Variants in DPP10 observed in about 807,000 individuals in gnomAD.
The protein encoded by DPP10 is inactive dipeptidyl peptidase 10.
Under a neutral mutation model 120.9 loss-of-function variants are expected in DPP10, and 33 were observed. That is an observed-to-expected ratio of 0.27 (90% CI 0.21 to 0.37). DPP10 has a LOEUF of 0.37. DPP10 is among the 10% of genes least tolerant of loss of function. The pLI is 1.00. For missense variants in DPP10, 816 were observed against 942.8 expected (o/e 0.87, Z 1.76); for synonymous variants, 337 against 326.1 (o/e 1.03, Z -0.36).
At chr2:115,594,112 GGGCTATTATT>G (rs1490786755) in intron 5 of DPP10, among the ~76,000 whole-genome samples, 1 of 152,026 alleles carries the variant, frequency 6.6e-6, no homozygotes, top group East Asian at 1.9e-4. Context: ...TCATTCCAAG[GGGCTATTATT>G]GGCTCTATAA....
intron 1 of DPP10, among the ~76,000 whole-genome samples, chr2:115,272,893 A>G (rs2059758069): frequency 6.6e-6 from 1 of 152,214 alleles, no homozygotes; most frequent in Non-Finnish European, 1.5e-5. Flanking sequence ...AAACCTATCT[A>G]TGGATGAAAA....
At chr2:115,227,967 G>A in intron 1 of DPP10, among the ~76,000 whole-genome samples, 1 of 148,790 alleles carries the variant, frequency 6.7e-6, no homozygotes, top group Non-Finnish European at 1.5e-5. Context: ...TGTCACCCAG[G>A]CTAGAGTGCA....
At chr2:115,523,422 A>AAAC (rs2077940216) in intron 4 of DPP10, among the ~76,000 whole-genome samples, 1 of 122,434 alleles carries the variant, frequency 8.2e-6, no homozygotes, top group Admixed American at 8.2e-5. Context: ...AAAAAAAAAA[A>AAAC]CCCTCCTGCT....
chr2:114,859,341 C>G (rs1284285549), intron 1 of DPP10, among the ~76,000 whole-genome samples: 2 of 146,570 alleles, frequency 1.4e-5, no homozygotes, highest in Non-Finnish European at 3.0e-5. Flanking sequence ...GCACTTCAGC[C>G]TGGGCAACAA....
intron 1 of DPP10, among the ~76,000 whole-genome samples, chr2:115,095,831 A>T (rs1709696962): frequency 6.6e-6 from 1 of 152,098 alleles, no homozygotes; most frequent in South Asian, 2.1e-4. Flanking sequence ...GCCAAAAGCC[A>T]TTTTCAAGAC....
chr2:115,453,505 A>G (rs896435492), intron 3 of DPP10, among the ~76,000 whole-genome samples: 5 of 151,564 alleles, frequency 3.3e-5, no homozygotes, highest in African/African-American at 1.2e-4. Context: ...ACACAAATAA[A>G]TTTGGGAAAC....
At chr2:115,399,390 C>T (rs576960256) in intron 3 of DPP10, among the ~76,000 whole-genome samples, 21 of 152,142 alleles carry the variant, frequency 1.4e-4, no homozygotes, top group African/African-American at 2.4e-4. Context: ...TTTTATAATG[C>T]GATCGGACAA....
rs563833021 is a variant in DPP10, at chr2:115,460,003, T to C, written c.272-39507T>C. Among the ~76,000 whole-genome samples, 107 of 150,164 alleles carry C rather than the reference T, an allele frequency of 7.1e-4. 5 individuals carry two copies. The highest frequency in any genetic ancestry group is 1.8e-4 in the Non-Finnish European group (12 of 67,632). ...TGTGGCTATAAAACAGAATAGAATA[T>C]GAAATTTGTCCTCAAGGATGTAAAA... On this transcript the variant is annotated intron_variant, in intron 3 of 25. Coordinates refer to ENST00000410059, the MANE Select transcript of DPP10 (RefSeq NM_020868.6).
chr2:114,857,266 T>C (rs1330124031), intron 1 of DPP10, among the ~76,000 whole-genome samples: 2 of 152,184 alleles, frequency 1.3e-5, no homozygotes, highest in African/African-American at 2.4e-5. Context: ...TACTGTAGTA[T>C]AGAAAAACAA....
intron 1 of DPP10, among the ~76,000 whole-genome samples, chr2:114,737,612 C>T (rs1426424831): frequency 6.6e-6 from 1 of 152,182 alleles, no homozygotes; most frequent in African/African-American, 2.4e-5. Flanking sequence ...TCAGTGTGCT[C>T]TTATTTCAAA....
intron 1 of DPP10, among the ~76,000 whole-genome samples, chr2:115,119,671 A>C (rs1400172): frequency 0.71 from 108,298 of 152,056 alleles, 38,994 homozygotes; most frequent in East Asian, 0.98. Flanking sequence ...CCAAGGGAGA[A>C]GGGCAGGAAT....
Position 114,818,673 on chromosome 2 carries a change from T to A in DPP10, c.60+375835T>A, listed in dbSNP as rs1014907596. Among the ~76,000 whole-genome samples, 12 of 152,292 alleles carry A rather than the reference T, an allele frequency of 7.9e-5. No individual in the cohort carries two copies. The Middle Eastern group carries it at 0.01, about 130-fold the overall frequency. ...AGTTTCAAGGAAAAAGGAACCTCTA[T>A]AAAATAATTTCAGTCGGTGTCGCTG... On this transcript the variant is annotated intron_variant, in intron 1 of 25. Coordinates refer to ENST00000410059, the MANE Select transcript of DPP10 (RefSeq NM_020868.6).
At position 115,842,370 on chromosome 2, in the gene DPP10, A is replaced by G. The variant is rs745703617; in HGVS notation, c.*25A>G. On this transcript the variant is annotated 3_prime_UTR_variant, in exon 26 of 26. Coordinates refer to ENST00000410059, the MANE Select transcript of DPP10 (RefSeq NM_020868.6). Reference sequence around the variant, plus strand: ...ATGGACTGTATTTATACAGAACTGAAGGGAATATTGAGGCTCAATGAAACC... The same window carrying G: ...ATGGACTGTATTTATACAGAACTGAGGGGAATATTGAGGCTCAATGAAACC... 3 of 1,601,848 alleles carry G rather than the reference A, an allele frequency of 1.9e-6. No homozygotes were observed. Among genetic ancestry groups the G allele is most frequent in the Admixed American group, 1.7e-5 (1 of 59,632 alleles).
At chr2:115,162,901 C>T (rs2052537172) in intron 1 of DPP10, among the ~76,000 whole-genome samples, 1 of 151,994 alleles carries the variant, frequency 6.6e-6, no homozygotes, top group Admixed American at 6.6e-5. Context: ...TCGGGAGCGC[C>T]GAGACACCCT....
intron 1 of DPP10, among the ~76,000 whole-genome samples, chr2:114,713,673 A>T (rs1701168524): frequency 6.6e-6 from 1 of 152,168 alleles, no homozygotes; most frequent in African/African-American, 2.4e-5. Flanking sequence ...TTTCAAAAAG[A>T]AAAATAATAA....
chr2:115,384,655 GGAAGAA>G (rs548334665), intron 3 of DPP10, among the ~76,000 whole-genome samples: 8,248 of 138,852 alleles, frequency 0.059, 324 homozygotes, highest in Middle Eastern at 0.12. Flanking sequence ...AGAAGAAGAA[GGAAGAA>G]GAAGAAGAAG....
chr2:114,799,124 C>T (rs1030310532), intron 1 of DPP10, among the ~76,000 whole-genome samples: 19 of 152,238 alleles, frequency 1.2e-4, no homozygotes, highest in African/African-American at 4.3e-4. Context: ...AGCGAAACTC[C>T]ATCTCAAGAG....
At chr2:115,361,622 G>A (rs2064774152) in intron 3 of DPP10, among the ~76,000 whole-genome samples, 1 of 151,878 alleles carries the variant, frequency 6.6e-6, no homozygotes, top group South Asian at 2.1e-4. Flanking sequence ...AATGTTTTTT[G>A]GGGTCACAGG....
intron 5 of DPP10, among the ~76,000 whole-genome samples, chr2:115,593,565 A>T (rs2082804317): frequency 7.6e-6 from 1 of 130,924 alleles, no homozygotes; most frequent in Non-Finnish European, 1.6e-5. Context: ...AAAATGGAAG[A>T]AAAAATGGGA....
Sources: allele counts gnomAD v4.1 joint callset (sites outside exome capture counted in the v4.1 genomes callset), GRCh38; gene constraint gnomAD v4.1.1; transcripts MANE v1.5; gene names NCBI Gene and HGNC (gene_info 2026-07-23, HGNC 2026-07-21).